Variants in SLC12A8 observed in about 807,000 individuals in gnomAD.
SLC12A8 encodes the protein solute carrier family 12 member 8.
In SLC12A8, 69 loss-of-function variants were observed where a neutral mutation model predicts 75.6. The observed-to-expected ratio is 0.91, with a 90% confidence interval of 0.75 to 1.11. The LOEUF is 1.11. Ranked by LOEUF, SLC12A8 falls within the 50% of genes most tolerant of loss-of-function variation. The pLI is 0.00. For synonymous variants in SLC12A8, 365 were observed against 372.8 expected (o/e 0.98, Z 0.24); for missense variants, 877 against 896.7 (o/e 0.98, Z 0.28).
intron 13 of SLC12A8, chr3:125,087,992 C>T: frequency 2.9e-6 from 1 of 345,752 alleles, no homozygotes; most frequent in Admixed American, 4.1e-5. Flanking sequence ...GTGAATGTGT[C>T]TTAGACTGTA....
intron 10 of SLC12A8, among the ~76,000 whole-genome samples, chr3:125,103,281 G>T (rs1377694649): frequency 6.6e-6 from 1 of 151,964 alleles, no homozygotes; most frequent in Non-Finnish European, 1.5e-5. Flanking sequence ...AGGGATTAAA[G>T]AACTCTCCTC....
At chr3:125,089,582 T>C (rs1321732393) in intron 12 of SLC12A8, among the ~76,000 whole-genome samples, 1 of 151,714 alleles carries the variant, frequency 6.6e-6, no homozygotes, top group Non-Finnish European at 1.5e-5. Context: ...ATTACTGTTT[T>C]CTAAATCATT....
intron 6 of SLC12A8, among the ~76,000 whole-genome samples, chr3:125,129,283 A>G (rs1218465428): frequency 6.6e-6 from 1 of 152,160 alleles, no homozygotes; most frequent in Non-Finnish European, 1.5e-5. Context: ...CTGCATCCAC[A>G]TGGTATGTGT....
At chr3:125,140,438 C>T (rs1933602416) in intron 5 of SLC12A8, among the ~76,000 whole-genome samples, 1 of 152,222 alleles carries the variant, frequency 6.6e-6, no homozygotes, top group Admixed American at 6.5e-5. Context: ...GCACTGCACC[C>T]CCTTACAGCA....
At chr3:125,087,969 A>T (rs1406725116) in intron 13 of SLC12A8, 1 of 228,792 alleles carries the variant, frequency 4.4e-6, no homozygotes, top group Non-Finnish European at 8.6e-6. Context: ...CTTGTGTGTG[A>T]TTATGCATTG....
chr3:125,149,446 CT>C (rs973843613), intron 5 of SLC12A8, among the ~76,000 whole-genome samples: 2 of 152,170 alleles, frequency 1.3e-5, no homozygotes, highest in Admixed American at 1.3e-4. Flanking sequence ...GGCATGCCTG[CT>C]GCTGGCCAGG....
At chr3:125,194,564 A>G (rs1468125241) in intron 2 of SLC12A8, among the ~76,000 whole-genome samples, 1 of 152,226 alleles carries the variant, frequency 6.6e-6, no homozygotes, top group Non-Finnish European at 1.5e-5. Context: ...AGAGGCAATG[A>G]CATGAGCTCA....
At chr3:125,165,996 C>T (rs1267896657) in intron 5 of SLC12A8, among the ~76,000 whole-genome samples, 1 of 152,200 alleles carries the variant, frequency 6.6e-6, no homozygotes, top group Non-Finnish European at 1.5e-5. Context: ...ATATATAGAA[C>T]AGTGAAAATG....
At chr3:125,171,906 T>A (rs1352603479) in intron 5 of SLC12A8, among the ~76,000 whole-genome samples, 1 of 606 alleles carries the variant, frequency 1.7e-3, no homozygotes, top group African/African-American at 3.0e-3. Flanking sequence ...AAACTTAGAG[T>A]ATAATAAAAA....
At chr3:125,119,930 A>T (rs1310910929) in intron 7 of SLC12A8, 1 of 456,564 alleles carries the variant, frequency 2.2e-6, no homozygotes, top group Non-Finnish European at 4.4e-6. Flanking sequence ...AAAGGTCAGA[A>T]ATAGACCCAA....
At chr3:125,149,671 C>T (rs976131429) in intron 5 of SLC12A8, among the ~76,000 whole-genome samples, 8 of 151,900 alleles carry the variant, frequency 5.3e-5, no homozygotes, top group East Asian at 1.9e-4. Flanking sequence ...ACATGCTTTG[C>T]TTCCTATTCA....
intron 2 of SLC12A8, among the ~76,000 whole-genome samples, chr3:125,191,433 G>C (rs1371771083): frequency 7.1e-6 from 1 of 140,770 alleles, no homozygotes; most frequent in Non-Finnish European, 1.5e-5. Flanking sequence ...GGCATGAACA[G>C]AGTCTTCCAG....
intron 2 of SLC12A8, among the ~76,000 whole-genome samples, chr3:125,202,650 T>TA (rs371036226): frequency 2.3e-4 from 35 of 149,794 alleles, no homozygotes; most frequent in East Asian, 2.3e-3. Flanking sequence ...TTTTTTTTTT[T>TA]AAATCTGTAT....
At position 125,202,388 on chromosome 3, in the gene SLC12A8, A is replaced by G. The variant is rs536620741; in HGVS notation, c.51+8911T>C. On this transcript the variant is annotated intron_variant, in intron 2 of 13. Coordinates refer to ENST00000469902, the MANE Select transcript of SLC12A8 (RefSeq NM_024628.6). ...CCCCTACAGGAAGCCAGGGTGTTCA[A>G]TCAGGCCAGGCGGCCAGAGTAAAAG... Among the ~76,000 whole-genome samples the G allele has an allele frequency of 3.9e-4, 60 of 152,356 alleles. 1 individual carries two copies. The highest frequency in any genetic ancestry group is 1.4e-3 in the African/African-American group (57 of 41,582).
Position 125,107,945 on chromosome 3 carries a change from G to T in SLC12A8, c.1241C>A (p.Pro414Gln), listed in dbSNP as rs564785727. ...CTCCCTGAGCACCGGCTCAGGCACCGGGGTCAGGCTGCAGGAACACATGGA... is the reference window on the plus strand; with the variant it reads ...CTCCCTGAGCACCGGCTCAGGCACCTGGGTCAGGCTGCAGGAACACATGGA... ...SLSMCSCSLT[P>Q]VPEPVLREGA... The change falls in exon 10 of 14, where the codon CCG becomes CAG. Residue 414 changes from proline (P) to glutamine (Q), a missense_variant. Pro to Gln is a moderately conservative substitution (Grantham distance 76, BLOSUM62 -1). Transcript: ENST00000469902. 6 of 1,614,040 alleles carry T rather than the reference G, an allele frequency of 3.7e-6. No individual in the cohort carries two copies. The highest frequency in any genetic ancestry group is 1.1e-5 in the South Asian group (1 of 91,082).
rs373819548 is a variant in SLC12A8, at chr3:125,118,754, G to T, written c.912+15C>A. 16 of 1,597,882 alleles carry T rather than the reference G, an allele frequency of 1.0e-5. No homozygotes were observed. In the Middle Eastern group the frequency reaches 1.5e-3, roughly 149 times the overall value. On this transcript the variant is annotated intron_variant, in intron 8 of 13. Coordinates refer to ENST00000469902, the MANE Select transcript of SLC12A8 (RefSeq NM_024628.6). ...CGGCAGACTGAGCCCTTGGAGTAGC[G>T]CAGGCCTCACTCACCTTTTCCGCTA...
rs1326241643 is a variant in SLC12A8 at position 125,107,192 on chromosome 3, T to A, written c.1705+289A>T. On this transcript the variant is annotated intron_variant, in intron 10 of 13. Transcript: ENST00000469902. ...TTTTACTCACATTGAGGCTTTATAC[T>A]TCTGTTCATTTTTGAGTGAAAAGAG... Among the ~76,000 whole-genome samples, 12 of 152,354 alleles carry A rather than the reference T, an allele frequency of 7.9e-5. No homozygotes were observed. In the East Asian group the frequency reaches 1.7e-3, roughly 22 times the overall value.
chr3:125,178,125 G>A, intron 4 of SLC12A8, 151 bp from the exon 5 acceptor site: 5 of 663,180 alleles, frequency 7.5e-6, no homozygotes, highest in Non-Finnish European at 1.1e-5. Flanking sequence ...GGTTAAACCA[G>A]CCCTTCCCAC....
intron 12 of SLC12A8, among the ~76,000 whole-genome samples, chr3:125,089,259 T>A (rs1334906629): frequency 2.6e-5 from 4 of 152,200 alleles, no homozygotes; most frequent in Non-Finnish European, 5.9e-5. Context: ...AAATTTTAGA[T>A]CTGCATTTGC....
Sources: gnomAD v4.1 joint callset for allele counts (sites outside exome capture counted in the v4.1 genomes callset) on GRCh38, gnomAD v4.1.1 for gene constraint, MANE v1.5 for transcripts, NCBI Gene and HGNC (gene_info 2026-07-23, HGNC 2026-07-21) for gene names.